The following GMDS variants were observed in gnomAD, a reference collection of about 807,000 sequenced individuals.
GMDS encodes GDP-mannose 4,6 dehydratase.
A neutral mutation model predicts 49.9 loss-of-function variants in GMDS; 20 were observed. The ratio of observed to expected loss-of-function variants is 0.40; its 90% CI spans 0.28 to 0.58. The LOEUF is 0.58. Among genes scored for constraint, GMDS ranks in the 20% least tolerant of loss-of-function variants. The probability of loss-of-function intolerance (pLI) is 0.42; values close to 1 mark genes in which losing one functional copy is unlikely to be tolerated. For synonymous variants in GMDS, 177 were observed against 178.6 expected (o/e 0.99, Z 0.07); for missense variants, 362 against 481.4 (o/e 0.75, Z 2.32).
intron 9 of GMDS, among the ~76,000 whole-genome samples, chr6:1,693,184 G>C (rs1166364444): frequency 6.6e-6 from 1 of 152,168 alleles, no homozygotes; most frequent in Non-Finnish European, 1.5e-5. Context: ...GTGGAAACAG[G>C]CCACCTTCCC....
chr6:2,007,593 C>G (rs1767278890), intron 4 of GMDS, among the ~76,000 whole-genome samples: 1 of 148,226 alleles, frequency 6.7e-6, no homozygotes, highest in South Asian at 2.1e-4. Context: ...AATTTTATTT[C>G]TTTCCAACTT....
At chr6:1,791,503 C>A (rs1769540314) in intron 7 of GMDS, among the ~76,000 whole-genome samples, 1 of 152,158 alleles carries the variant, frequency 6.6e-6, no homozygotes, top group South Asian at 2.1e-4. Flanking sequence ...CTCTTGAACT[C>A]ATCTAAACCT....
chr6:2,042,305 A>G (rs1238022494), intron 4 of GMDS, among the ~76,000 whole-genome samples: 1 of 152,162 alleles, frequency 6.6e-6, no homozygotes, highest in Non-Finnish European at 1.5e-5. Context: ...ACGGCTAAGG[A>G]AATTTCCTGG....
chr6:2,085,729 T>C (rs1772974779), intron 4 of GMDS, among the ~76,000 whole-genome samples: 1 of 152,142 alleles, frequency 6.6e-6, no homozygotes, highest in South Asian at 2.1e-4. Flanking sequence ...GGTCTCACTA[T>C]GTTTCCCAGG....
At chr6:1,917,803 T>A (rs1761478905) in intron 7 of GMDS, among the ~76,000 whole-genome samples, 1 of 152,142 alleles carries the variant, frequency 6.6e-6, no homozygotes, top group Non-Finnish European at 1.5e-5. Flanking sequence ...ATGCAACCTG[T>A]ACCCTCCAAC....
At chr6:1,847,979 G>A (rs1757488752) in intron 7 of GMDS, among the ~76,000 whole-genome samples, 1 of 152,140 alleles carries the variant, frequency 6.6e-6, no homozygotes, top group East Asian at 1.9e-4. Context: ...TACGGCCAAG[G>A]CATTAAGCCA....
intron 4 of GMDS, among the ~76,000 whole-genome samples, chr6:2,083,225 T>C (rs1217376175): frequency 1.3e-5 from 2 of 152,210 alleles, no homozygotes; most frequent in Admixed American, 1.3e-4. Context: ...TGTCGAGCAC[T>C]TAGTAAACGC....
chr6:2,000,984 C>T (rs1281447422), intron 4 of GMDS, among the ~76,000 whole-genome samples: 2 of 152,118 alleles, frequency 1.3e-5, no homozygotes, highest in African/African-American at 4.8e-5. Flanking sequence ...TTGTGTGGAC[C>T]TATGCTTTCA....
chr6:1,745,509 G>A (rs1344700592), intron 7 of GMDS, among the ~76,000 whole-genome samples: 1 of 152,046 alleles, frequency 6.6e-6, no homozygotes, highest in Non-Finnish European at 1.5e-5. Flanking sequence ...GCTACTGGTG[G>A]GTCACTTTAA....
At chr6:2,121,582 G>A (rs771099485) in intron 2 of GMDS, among the ~76,000 whole-genome samples, 4 of 152,146 alleles carry the variant, frequency 2.6e-5, no homozygotes, top group African/African-American at 7.2e-5. Context: ...AAGGCCCCAC[G>A]GCTTCAGGAG....
chr6:2,113,167 G>C (rs970691468), intron 4 of GMDS, among the ~76,000 whole-genome samples: 4 of 152,094 alleles, frequency 2.6e-5, no homozygotes, highest in African/African-American at 9.7e-5. Context: ...TCGGTTTCTA[G>C]TACTGGTTCT....
chr6:1,681,585 A>G (rs1764795317), intron 9 of GMDS, among the ~76,000 whole-genome samples: 1 of 152,164 alleles, frequency 6.6e-6, no homozygotes, highest in South Asian at 2.1e-4. Flanking sequence ...TCCGGTGGAG[A>G]GTGGCATCCG....
intron 7 of GMDS, among the ~76,000 whole-genome samples, chr6:1,911,252 C>T (rs1004782074): frequency 6.6e-6 from 1 of 152,172 alleles, no homozygotes; most frequent in Non-Finnish European, 1.5e-5. Flanking sequence ...GAAGGGCAGT[C>T]AGAAAGTTCA....
intron 7 of GMDS, among the ~76,000 whole-genome samples, chr6:1,880,278 T>G: frequency 9.5e-6 from 1 of 105,008 alleles, no homozygotes; most frequent in African/African-American, 3.5e-5. Flanking sequence ...CGAGACCTCA[T>G]TTCCACAAAA....
At chr6:1,821,831 C>T (rs1418886903) in intron 7 of GMDS, among the ~76,000 whole-genome samples, 4 of 152,064 alleles carry the variant, frequency 2.6e-5, no homozygotes, top group African/African-American at 7.2e-5. Context: ...ATGACAGTGG[C>T]GGGCTCAGTC....
chr6:1,957,888 G>A (rs568027498), intron 6 of GMDS, among the ~76,000 whole-genome samples: 3 of 151,964 alleles, frequency 2.0e-5, no homozygotes, highest in East Asian at 1.9e-4. Flanking sequence ...CTGCAGCCTC[G>A]AACTCCTGGG....
At chr6:2,051,986 A>G (rs1041876118) in intron 4 of GMDS, among the ~76,000 whole-genome samples, 1 of 151,796 alleles carries the variant, frequency 6.6e-6, no homozygotes, top group African/African-American at 2.4e-5. Context: ...GCGTGGTGGC[A>G]AGCACCTGTA....
intron 2 of GMDS, among the ~76,000 whole-genome samples, chr6:2,119,079 A>T (rs1404248777): frequency 6.6e-6 from 1 of 152,130 alleles, no homozygotes; most frequent in African/African-American, 2.4e-5. Flanking sequence ...TTTATTAAAT[A>T]AAAAAAGTCT....
chr6:2,222,737 G>A (rs932271873), intron 1 of GMDS, among the ~76,000 whole-genome samples: 8 of 152,190 alleles, frequency 5.3e-5, no homozygotes, highest in Admixed American at 5.2e-4. Context: ...AGGTGTGGGG[G>A]AAATCTGGAC....
Sources: gnomAD v4.1 joint callset for allele counts (sites outside exome capture counted in the v4.1 genomes callset) on GRCh38, gnomAD v4.1.1 for gene constraint, MANE v1.5 for transcripts, NCBI Gene and HGNC (gene_info 2026-07-23, HGNC 2026-07-21) for gene names.